AFG1L: variants seen among roughly 807,000 people sequenced by gnomAD.
AFG1L encodes the protein AFG1 like ATPase.
In AFG1L, 53 loss-of-function variants were observed where a neutral mutation model predicts 62.2. That is an observed-to-expected ratio of 0.85 (90% CI 0.68 to 1.07). AFG1L has a LOEUF of 1.07. Ranked by LOEUF, AFG1L falls within the 50% of genes least tolerant of loss-of-function variation. The pLI is 0.00. For missense variants in AFG1L, 555 were observed against 590.5 expected (o/e 0.94, Z 0.62); for synonymous variants, 228 against 210.3 (o/e 1.08, Z -0.73).
chr6:108,466,543 G>C (rs1282946583), intron 8 of AFG1L, among the ~76,000 whole-genome samples: 1 of 151,794 alleles, frequency 6.6e-6, no homozygotes, highest in African/African-American at 2.4e-5. Flanking sequence ...CAATAGGACT[G>C]GTGTTCTCAT....
chr6:108,377,299 G>A (rs1562118953), intron 6 of AFG1L, among the ~76,000 whole-genome samples: 1 of 152,064 alleles, frequency 6.6e-6, no homozygotes, highest in Non-Finnish European at 1.5e-5. Flanking sequence ...GTTGTTAGCT[G>A]TTTGCTTTGT....
intron 10 of AFG1L, among the ~76,000 whole-genome samples, chr6:108,493,660 A>G (rs373940838): frequency 3.9e-5 from 6 of 152,202 alleles, no homozygotes; most frequent in African/African-American, 1.4e-4. Context: ...TTAGCAAGGT[A>G]TAGTCTGGTT....
intron 5 of AFG1L, 57 bp from the exon 6 acceptor site, chr6:108,366,176 C>T: frequency 9.4e-7 from 1 of 1,064,426 alleles, no homozygotes; most frequent in Non-Finnish European, 1.4e-6. Context: ...GATCCACTAG[C>T]AAATTTGTTA....
intron 2 of AFG1L, among the ~76,000 whole-genome samples, chr6:108,341,377 A>T (rs1778676151): frequency 6.6e-6 from 1 of 152,138 alleles, no homozygotes; most frequent in South Asian, 2.1e-4. Flanking sequence ...TTTGAGAGGG[A>T]TGTGTCAAAG....
intron 7 of AFG1L, 54 bp from the exon 8 acceptor site, chr6:108,447,160 G>A (rs567423760): frequency 1.3e-5 from 12 of 900,640 alleles, no homozygotes; most frequent in African/African-American, 1.0e-4. Flanking sequence ...GGGAAGGATT[G>A]TAATTCTGAG....
chr6:108,418,858 A>G (rs1029309144), intron 7 of AFG1L, among the ~76,000 whole-genome samples: 3 of 152,228 alleles, frequency 2.0e-5, no homozygotes, highest in African/African-American at 7.2e-5. Flanking sequence ...AAAGGGAACC[A>G]GTTGATATTT....
At position 108,295,116 on chromosome 6, in the gene AFG1L, C is replaced by A; in HGVS notation, c.37C>A (p.Pro13Thr). 6.2e-7 allele frequency: 1 copy of A among 1,611,590 alleles called. No individual in the cohort carries two copies. The highest frequency in any genetic ancestry group is 1.1e-5 in the South Asian group (1 of 91,076). Residue 13 changes from proline to threonine, a missense_variant, in exon 1 of 13, where the codon CCC becomes ACC. Physicochemically the swap from Pro to Thr is conservative, Grantham distance 38. Transcript: ENST00000368977. ...CTGGTCGCTCTTGGTTACCCTGCGC[C>A]CCTTAGCACAGAGCCCGCTGAGAGG... ...ASWSLLVTLRPLAQSPLRGRC... is the reference protein window; with the variant it reads ...ASWSLLVTLRTLAQSPLRGRC...
At chr6:108,480,520 A>G (rs1773284308) in intron 10 of AFG1L, among the ~76,000 whole-genome samples, 1 of 152,156 alleles carries the variant, frequency 6.6e-6, no homozygotes, top group South Asian at 2.1e-4. Context: ...TCAATCTTTA[A>G]TATACTTTGG....
chr6:108,475,142 G>A (rs1443564974), intron 8 of AFG1L, among the ~76,000 whole-genome samples: 3 of 152,172 alleles, frequency 2.0e-5, no homozygotes, highest in Admixed American at 6.5e-5. Context: ...TTATTAAACA[G>A]GAAATCCTTT....
rs1562457415 is a variant in AFG1L, at chr6:108,295,118, C to CGCTCTTGG, written c.39_40insGCTCTTGG (p.Leu14AlafsTer4). The CGCTCTTGG allele has an allele frequency of 6.2e-7, 1 of 1,611,556 alleles. No individual in the cohort carries two copies. Among genetic ancestry groups the CGCTCTTGG allele is most frequent in the Non-Finnish European group, 8.5e-7 (1 of 1,179,984 alleles). Reference sequence around the variant, plus strand: ...GGTCGCTCTTGGTTACCCTGCGCCCCTTAGCACAGAGCCCGCTGAGAGGGA... The same window carrying CGCTCTTGG: ...GGTCGCTCTTGGTTACCCTGCGCCCCGCTCTTGGTTAGCACAGAGCCCGCTGAGAGGGA... On this transcript the variant is annotated frameshift_variant, in exon 1 of 13. Transcript: ENST00000368977. LOFTEE classifies it high-confidence loss of function.
Position 108,519,821 on chromosome 6 carries a change from T to C in AFG1L, c.1317+11T>C, listed in dbSNP as rs544183592. On this transcript the variant is annotated intron_variant, in intron 12 of 12. Transcript: ENST00000368977. ...TTGGGGCTGAGCCAGGTAGGCGATA[T>C]TAACATAATCTCTTTTTATTATAAA... 5 of 1,517,718 alleles carry C rather than the reference T, an allele frequency of 3.3e-6. No individual in the cohort carries two copies. The South Asian group carries it at 4.7e-5, about 14-fold the overall frequency. The allele number at this position is 1,517,718 out of a possible 1,614,324, so 94.0% of individuals were successfully genotyped here.
At chr6:108,456,517 C>G (rs1362620602) in intron 8 of AFG1L, among the ~76,000 whole-genome samples, 1 of 151,962 alleles carries the variant, frequency 6.6e-6, no homozygotes, top group African/African-American at 2.4e-5. Context: ...ATACAATTCA[C>G]TCTTTTAAAG....
intron 1 of AFG1L, among the ~76,000 whole-genome samples, chr6:108,300,130 A>G (rs1168773327): frequency 6.6e-6 from 1 of 151,502 alleles, no homozygotes; most frequent in Non-Finnish European, 1.5e-5. Context: ...GTATACATAC[A>G]TAGGAGTTTA....
At chr6:108,500,064 T>G (rs971311957) in intron 10 of AFG1L, among the ~76,000 whole-genome samples, 2 of 152,096 alleles carry the variant, frequency 1.3e-5, no homozygotes. Flanking sequence ...TGGTTTTCTG[T>G]TTTTTTGTTA....
In AFG1L at chr6:108,438,604, TA is replaced by T. The variant is rs568506058; in HGVS notation, c.808-8602del. 3.4e-4 allele frequency among the ~76,000 whole-genome samples: 51 copies of T among 152,036 alleles called. No individual in the cohort carries two copies. The East Asian group carries it at 9.7e-3, about 29-fold the overall frequency. ...TTTCCTCAACTGTAAAATGGGGATT[TA>T]AAAAAAATATTGCCTTGCCCTGTAG... On this transcript the variant is annotated intron_variant, in intron 7 of 12. Transcript: ENST00000368977.
intron 10 of AFG1L, among the ~76,000 whole-genome samples, chr6:108,509,023 C>T (rs892512297): frequency 1.3e-5 from 2 of 152,086 alleles, no homozygotes; most frequent in Non-Finnish European, 2.9e-5. Context: ...TGCCTTCTCC[C>T]GACTCCAGCA....
chr6:108,415,652 C>G (rs1198433511), intron 7 of AFG1L, among the ~76,000 whole-genome samples: 1 of 152,118 alleles, frequency 6.6e-6, no homozygotes, highest in Non-Finnish European at 1.5e-5. Flanking sequence ...AGAAACCTGA[C>G]AAAAACAAGA....
At chr6:108,380,035 G>A (rs1196099614) in intron 6 of AFG1L, among the ~76,000 whole-genome samples, 2 of 152,110 alleles carry the variant, frequency 1.3e-5, no homozygotes, top group Non-Finnish European at 2.9e-5. Flanking sequence ...GGGCCCCCGT[G>A]CACCAAGATC....
At chr6:108,306,951 T>C (rs953714228) in intron 1 of AFG1L, among the ~76,000 whole-genome samples, 4 of 152,220 alleles carry the variant, frequency 2.6e-5, no homozygotes, top group African/African-American at 9.6e-5. Flanking sequence ...AAAACAGGTC[T>C]CTCCTGTTTG....
Sources: allele counts gnomAD v4.1 joint callset (sites outside exome capture counted in the v4.1 genomes callset), GRCh38; gene constraint gnomAD v4.1.1; transcripts MANE v1.5; gene names NCBI Gene and HGNC (gene_info 2026-07-23, HGNC 2026-07-21).